The following TBC1D23 variants were observed in gnomAD, a reference collection of about 807,000 sequenced individuals.
TBC1D23 encodes HCV non-structural protein 4A-transactivated protein 1.
TBC1D23 carries 55 observed loss-of-function variants against 91.4 expected under a neutral mutation model. The observed-to-expected ratio is 0.60, with a 90% CI of 0.48 to 0.75. The LOEUF (loss-of-function observed/expected upper bound fraction) is 0.75. Among genes scored for constraint, TBC1D23 ranks in the 30% least tolerant of loss-of-function variants. The pLI is 0.00. For missense variants in TBC1D23, 725 were observed against 836.1 expected (o/e 0.87, Z 1.64); for synonymous variants, 289 against 281.0 (o/e 1.03, Z -0.28).
chr3:100,298,851 A>G (rs1004598629), intron 9 of TBC1D23, among the ~76,000 whole-genome samples: 1 of 152,212 alleles, frequency 6.6e-6, no homozygotes, highest in Non-Finnish European at 1.5e-5. Flanking sequence ...TCTTACGTGA[A>G]TTGAGCTGTT....
intron 13 of TBC1D23, among the ~76,000 whole-genome samples, chr3:100,308,291 C>T (rs943349594): frequency 4.9e-4 from 75 of 151,890 alleles, no homozygotes; most frequent in African/African-American, 1.7e-3. Flanking sequence ...CTGGATAACA[C>T]GGTGAAACCC....
At chr3:100,322,744 A>C (rs1705882121) in intron 18 of TBC1D23, among the ~76,000 whole-genome samples, 1 of 152,160 alleles carries the variant, frequency 6.6e-6, no homozygotes, top group African/African-American at 2.4e-5. Context: ...AAATAAATTG[A>C]AGTTTATTAT....
chr3:100,281,148 CGAAACTCAGTCTCAAAAAATAA>C (rs2067690757), intron 2 of TBC1D23, among the ~76,000 whole-genome samples: 1 of 151,950 alleles, frequency 6.6e-6, no homozygotes, highest in Admixed American at 6.6e-5. Context: ...AGCAAGAGAG[CGAAACTCAGTCTCAAAAAATAA>C]AAAAGACTGG....
intron 5 of TBC1D23, among the ~76,000 whole-genome samples, chr3:100,293,239 T>C (rs1423448132): frequency 1.3e-5 from 2 of 152,174 alleles, no homozygotes; most frequent in Non-Finnish European, 1.5e-5. Flanking sequence ...GTTCACGCCA[T>C]TCTTCTGCCT....
chr3:100,313,849 TTA>T (rs1450118791), intron 15 of TBC1D23, among the ~76,000 whole-genome samples: 1 of 152,134 alleles, frequency 6.6e-6, no homozygotes, highest in Non-Finnish European at 1.5e-5. Flanking sequence ...GGCATCCAAA[TTA>T]TATCATTTTC....
At chr3:100,306,413 C>T (rs368080189) in intron 12 of TBC1D23, 24 bp from the exon 13 acceptor site, 23 of 1,276,240 alleles carry the variant, frequency 1.8e-5, no homozygotes, top group Non-Finnish European at 2.4e-5. Context: ...TTAGGTTTTT[C>T]TTTTTTTTTT....
At chr3:100,277,276 T>C (rs1428225211) in intron 1 of TBC1D23, among the ~76,000 whole-genome samples, 1 of 152,246 alleles carries the variant, frequency 6.6e-6, no homozygotes, top group Non-Finnish European at 1.5e-5. Context: ...ACATTTATAT[T>C]GTCGAAGGTC....
chr3:100,281,817 A>G lies in TBC1D23; in HGVS notation c.241A>G (p.Thr81Ala), dbSNP rs757774450. The change falls in exon 3 of 19, where the codon ACT (threonine) becomes GCT (alanine). Residue 81 changes from threonine (T) to alanine (A), a missense_variant. Coordinates refer to ENST00000394144, the MANE Select transcript of TBC1D23 (RefSeq NM_001199198.3). ...TATTTTAGACTTGCCAGAACAGAACACTATTCACAAAGATTGCCTGCAGTT... is the reference window on the plus strand; with the variant it reads ...TATTTTAGACTTGCCAGAACAGAACGCTATTCACAAAGATTGCCTGCAGTT... ...DGILDLPEQN[T>A]IHKDCLQFID... The G allele has an allele frequency of 1.2e-6, 2 of 1,610,262 alleles. No individual in the cohort carries two copies. The highest frequency in any genetic ancestry group is 1.6e-4 in the Middle Eastern group (1 of 6,076).
chr3:100,300,037 T>C (rs1341741104), intron 10 of TBC1D23, among the ~76,000 whole-genome samples: 2 of 152,122 alleles, frequency 1.3e-5, no homozygotes, highest in Non-Finnish European at 2.9e-5. Flanking sequence ...TAATCATGAG[T>C]ATTTATGCAT....
chr3:100,295,240 T>C (rs760852073), intron 6 of TBC1D23, 29 bp downstream of exon 6: 56 of 1,595,380 alleles, frequency 3.5e-5, no homozygotes, highest in Non-Finnish European at 4.7e-5. Context: ...AGATTTTTTT[T>C]CCTCTTTTCT....
intron 1 of TBC1D23, among the ~76,000 whole-genome samples, chr3:100,270,564 G>A (rs1018596949): frequency 2.0e-5 from 3 of 152,062 alleles, no homozygotes; most frequent in Non-Finnish European, 4.4e-5. Flanking sequence ...GTAAGTAAAT[G>A]TGAAAATTTT....
rs376969185 is a variant in TBC1D23, at chr3:100,274,663, C to T, written c.54-4986C>T. Reference sequence around the variant, plus strand: ...TTGTATAGTATTTGTCTTTTTGGGACGGATTTATTTCACTTACCGTAATGT... The same window carrying T: ...TTGTATAGTATTTGTCTTTTTGGGATGGATTTATTTCACTTACCGTAATGT... On this transcript the variant is annotated intron_variant, in intron 1 of 18. Transcript: ENST00000394144. 7.3e-5 allele frequency among the ~76,000 whole-genome samples: 11 copies of T among 151,280 alleles called. No homozygotes were observed. In the East Asian group the frequency reaches 7.7e-4, roughly 11 times the overall value.
intron 13 of TBC1D23, among the ~76,000 whole-genome samples, chr3:100,308,456 G>A (rs923585324): frequency 2.0e-5 from 3 of 150,032 alleles, no homozygotes; most frequent in East Asian, 3.9e-4. Context: ...GTCTCTGGGC[G>A]ACAGAACGAG....
intron 13 of TBC1D23, among the ~76,000 whole-genome samples, chr3:100,309,582 G>T (rs1705582317): frequency 6.9e-6 from 1 of 145,978 alleles, no homozygotes; most frequent in Middle Eastern, 3.6e-3. Flanking sequence ...ATATGTGCAA[G>T]TATATCCTAA....
intron 3 of TBC1D23, among the ~76,000 whole-genome samples, 188 bp from the exon 4 acceptor site, chr3:100,283,419 T>C (rs539854232): frequency 6.6e-6 from 1 of 152,252 alleles, no homozygotes; most frequent in Admixed American, 6.5e-5. Flanking sequence ...TGTGTTTTCC[T>C]TGGGTTTTGG....
At chr3:100,261,213 C>G in intron 1 of TBC1D23, 142 bp downstream of exon 1, 2 of 758,108 alleles carry the variant, frequency 2.6e-6, no homozygotes, top group Non-Finnish European at 4.3e-6. Flanking sequence ...CCCTACCCCT[C>G]TGCCAGCTGG....
chr3:100,267,508 T>C (rs961169692), intron 1 of TBC1D23, among the ~76,000 whole-genome samples: 5 of 152,212 alleles, frequency 3.3e-5, no homozygotes, highest in African/African-American at 1.2e-4. Context: ...AATCTTGTAG[T>C]GTTTGCTTCT....
In TBC1D23 at chr3:100,323,839, A is replaced by T; in HGVS notation, c.*171A>T. 2 of 272,190 alleles carry T rather than the reference A, an allele frequency of 7.3e-6. No individual in the cohort carries two copies. The highest frequency in any genetic ancestry group is 1.4e-5 in the Non-Finnish European group (2 of 141,510). 16.9% of individuals were successfully genotyped at this position (272,190 alleles called of 1,614,324 possible). ...TCAATCTGTGGACAGTAAACTTTTT[A>T]AAAATTTTTCTTCTGCATTTTGGTT... is the stretch of plus-strand genomic sequence containing the variant. On this transcript the variant is annotated 3_prime_UTR_variant, in exon 19 of 19. Transcript: ENST00000394144.
intron 15 of TBC1D23, among the ~76,000 whole-genome samples, chr3:100,315,293 G>T (rs1192449971): frequency 1.3e-5 from 2 of 151,064 alleles, no homozygotes; most frequent in East Asian, 2.0e-4. Context: ...CTCCAGAGTA[G>T]CTGGAATTAC....
Sources: allele counts gnomAD v4.1 joint callset (sites outside exome capture counted in the v4.1 genomes callset), GRCh38; gene constraint gnomAD v4.1.1; transcripts MANE v1.5; gene names NCBI Gene and HGNC (gene_info 2026-07-23, HGNC 2026-07-21).